TEX9: variants seen among roughly 807,000 people sequenced by gnomAD.
TEX9 encodes the protein testis-expressed protein 9.
Under a neutral mutation model 59.6 loss-of-function variants are expected in TEX9, and 74 were observed. The observed-to-expected ratio is 1.24, with a 90% CI of 1.03 to 1.51. The LOEUF is 1.51. Ranked by LOEUF, TEX9 falls within the 40% of genes most tolerant of loss-of-function variation. The pLI is 0.00. For missense variants in TEX9, 522 were observed against 447.8 expected (o/e 1.17, Z -1.49); for synonymous variants, 186 against 152.2 (o/e 1.22, Z -1.64).
At chr15:56,300,186 GAA>G (rs1274650701) in intron 1 of TEX9, among the ~76,000 whole-genome samples, 1 of 151,962 alleles carries the variant, frequency 6.6e-6, no homozygotes, top group Non-Finnish European at 1.5e-5. Context: ...ACCACAAGCT[GAA>G]GAGCCCTTGG....
chr15:56,379,854 C>T (rs1210670402), intron 3 of TEX9, among the ~76,000 whole-genome samples: 1 of 116,238 alleles, frequency 8.6e-6, no homozygotes, highest in Admixed American at 9.0e-5. Context: ...TATAGGTTCT[C>T]CTGCTTTTTT....
chr15:56,451,879 T>C, the TEX9 span, among the ~76,000 whole-genome samples: 4 of 151,374 alleles, frequency 2.6e-5, no homozygotes, highest in Non-Finnish European at 5.9e-5. Flanking sequence ...ATTGCCTAGA[T>C]TTTTTTTTAT....
chr15:56,446,774 T>A (rs1366387572), downstream of TEX9: 4 of 1,224,134 alleles, frequency 3.3e-6, no homozygotes, highest in East Asian at 2.4e-5. Flanking sequence ...GACAATTTTT[T>A]AAGAAACAAG....
chr15:56,334,061 C>A (rs2046211347), intron 1 of TEX9, among the ~76,000 whole-genome samples: 1 of 152,074 alleles, frequency 6.6e-6, no homozygotes, highest in Admixed American at 6.6e-5. Flanking sequence ...TTGAAAGAAT[C>A]AATATTGTTA....
intron 10 of TEX9, among the ~76,000 whole-genome samples, chr15:56,415,216 C>T (rs1401477934): frequency 6.6e-6 from 1 of 150,860 alleles, no homozygotes; most frequent in Non-Finnish European, 1.5e-5. Context: ...ATTTATTTTT[C>T]TGTGCAGAAG....
intron 1 of TEX9, among the ~76,000 whole-genome samples, chr15:56,262,229 C>T (rs910884623): frequency 2.6e-5 from 4 of 152,304 alleles, no homozygotes; most frequent in Non-Finnish European, 2.9e-5. Flanking sequence ...AGGGCCAAAA[C>T]GCATTTTCAC....
At chr15:56,275,682 G>A (rs1329649007) in intron 1 of TEX9, among the ~76,000 whole-genome samples, 5 of 151,908 alleles carry the variant, frequency 3.3e-5, no homozygotes, top group South Asian at 2.1e-4. Context: ...TAACCCACAC[G>A]ACTTTATTGT....
Position 56,332,577 on chromosome 15 carries a change from A to G in TEX9, c.-106-40864A>G, listed in dbSNP as rs143017445. The stretch of plus-strand genomic sequence containing the variant: ...TGGCTCATGTATACATATGTAACTA[A>G]CCTCCACAATGTGCACATGTACCCT... On this transcript the variant is annotated intron_variant, in intron 1 of 5. Coordinates refer to the TEX9 transcript ENST00000560827. 9.1e-4 allele frequency among the ~76,000 whole-genome samples: 138 copies of G among 151,868 alleles called. 1 individual carries two copies. The highest frequency in any genetic ancestry group is 3.1e-3 in the African/African-American group (130 of 41,442).
chr15:56,430,303 C>G (rs1445884783), intron 12 of TEX9, among the ~76,000 whole-genome samples, 149 bp downstream of exon 12: 5 of 152,144 alleles, frequency 3.3e-5, no homozygotes, highest in African/African-American at 7.2e-5. Context: ...ACTTTCCAGG[C>G]TCAAGCAATC....
intron 10 of TEX9, among the ~76,000 whole-genome samples, chr15:56,425,826 A>C (rs2050211959): frequency 6.6e-6 from 1 of 152,124 alleles, no homozygotes; most frequent in African/African-American, 2.4e-5. Flanking sequence ...AAAAACAGCC[A>C]CTTCTCCCAG....
chr15:56,272,938 A>ATTTTTTTTTTTT (rs1376179172), intron 1 of TEX9, among the ~76,000 whole-genome samples: 1 of 137,038 alleles, frequency 7.3e-6, no homozygotes. Context: ...TTATTTATTT[A>ATTTTTTTTTTTT]TTTTTTTTGT....
intron 7 of TEX9, among the ~76,000 whole-genome samples, chr15:56,391,805 T>C (rs2048224953): frequency 6.6e-6 from 1 of 152,170 alleles, no homozygotes; most frequent in Admixed American, 6.6e-5. Context: ...AATTTTTTCA[T>C]TTACTGTTAA....
At chr15:56,381,988 G>C (rs2047751076) in intron 3 of TEX9, among the ~76,000 whole-genome samples, 1 of 152,188 alleles carries the variant, frequency 6.6e-6, no homozygotes, top group African/African-American at 2.4e-5. Context: ...GATGCTGTCT[G>C]GTAGTCAGAG....
At chr15:56,414,421 A>T (rs61181469) in intron 10 of TEX9, among the ~76,000 whole-genome samples, 2,836 of 151,488 alleles carry the variant, frequency 0.019, 138 homozygotes, top group African/African-American at 0.066. Flanking sequence ...GTAGACCCCA[A>T]TGTCTGTTTC....
intron 10 of TEX9, among the ~76,000 whole-genome samples, chr15:56,423,529 A>T (rs2050088047): frequency 6.6e-6 from 1 of 152,130 alleles, no homozygotes; most frequent in South Asian, 2.1e-4. Context: ...TCTTATTGAG[A>T]TACAATTCAT....
At chr15:56,291,211 C>T (rs1413610474) in intron 1 of TEX9, among the ~76,000 whole-genome samples, 1 of 152,142 alleles carries the variant, frequency 6.6e-6, no homozygotes, top group Non-Finnish European at 1.5e-5. Context: ...TGTGAAAGAT[C>T]TAGGTCAGAG....
In TEX9 at chr15:56,428,943, G is replaced by A. The variant is rs1357252613; in HGVS notation, c.*29+470G>A. The A allele has an allele frequency of 5.4e-6, 3 of 550,940 alleles. No individual in the cohort carries two copies. In the Admixed American group the frequency reaches 1.1e-4, roughly 21 times the overall value. The allele number at this position is 550,940 out of a possible 1,614,324, so 34.1% of individuals were successfully genotyped here. On this transcript the variant is annotated intron_variant, in intron 12 of 12. Coordinates refer to ENST00000352903, the Ensembl canonical transcript of TEX9. ...ATAACAGCTTGATTAAAATTAATTT[G>A]TATCTGATAATTGTTTACAAGTTAT...
chr15:56,373,614 T>G lies in TEX9; in HGVS notation c.183+110T>G, dbSNP rs1354208701. On this transcript the variant is annotated intron_variant, in intron 3 of 12. Transcript: ENST00000352903. ...CACTAGCCAAAGCATGTGTGTTCAG[T>G]TCAATGAATTATTACAAATTGAACA... 5.0e-6 allele frequency: 4 copies of G among 804,414 alleles called. No homozygotes were observed. In the African/African-American group the frequency reaches 5.5e-5, roughly 11 times the overall value. The allele number at this position is 804,414 out of a possible 1,614,324, so 49.8% of individuals were successfully genotyped here.
At chr15:56,397,199 A>G in intron 9 of TEX9, 1 of 163,276 alleles carries the variant, frequency 6.1e-6, no homozygotes, top group Non-Finnish European at 1.3e-5. Flanking sequence ...AACTAGAGCA[A>G]ATGTGACTCT....
Sources: allele counts gnomAD v4.1 joint callset (sites outside exome capture counted in the v4.1 genomes callset), GRCh38; gene constraint gnomAD v4.1.1; transcripts MANE v1.5; gene names NCBI Gene and HGNC (gene_info 2026-07-23, HGNC 2026-07-21).